ENTREP2: variants seen among roughly 807,000 people sequenced by gnomAD.
The protein encoded by ENTREP2 is protein ENTREP2.
the ENTREP2 span, among the ~76,000 whole-genome samples, chr15:29,379,082 CT>C: frequency 1.3e-5 from 2 of 152,238 alleles, no homozygotes. Context: ...ACACTTCCGT[CT>C]GCAGTGCAGA....
the ENTREP2 span, among the ~76,000 whole-genome samples, chr15:29,343,029 G>GGGCA: frequency 7.7e-6 from 1 of 129,562 alleles, no homozygotes; most frequent in South Asian, 2.3e-4. Flanking sequence ...AAAAGGAATG[G>GGGCA]GGGGGGTGGT....
chr15:29,379,100 T>G, the ENTREP2 span, among the ~76,000 whole-genome samples: 1 of 152,222 alleles, frequency 6.6e-6, no homozygotes, highest in Non-Finnish European at 1.5e-5. Flanking sequence ...CAGAACTGCC[T>G]CTGGGAAGTG....
the ENTREP2 span, among the ~76,000 whole-genome samples, chr15:29,520,816 A>T: frequency 9.3e-4 from 142 of 152,352 alleles, no homozygotes; most frequent in African/African-American, 3.1e-3. Context: ...TACCATTTAC[A>T]ATAGCATCAA....
chr15:29,421,172 G>A, the ENTREP2 span, among the ~76,000 whole-genome samples: 2 of 152,310 alleles, frequency 1.3e-5, no homozygotes, highest in African/African-American at 4.8e-5. Context: ...TTACTGAGAG[G>A]CTATTGCAAG....
chr15:29,402,292 T>TTGTGTG, the ENTREP2 span, among the ~76,000 whole-genome samples: 1,326 of 131,588 alleles, frequency 0.01, 15 homozygotes, highest in Non-Finnish European at 0.013. Flanking sequence ...GTATATTGTA[T>TTGTGTG]TGTGTGTGTG....
chr15:29,443,482 A>C, the ENTREP2 span, among the ~76,000 whole-genome samples: 1 of 152,150 alleles, frequency 6.6e-6, no homozygotes. Context: ...CTAGCCCACC[A>C]GGAAACCATG....
At chr15:29,444,774 C>G in the ENTREP2 span, among the ~76,000 whole-genome samples, 2 of 152,138 alleles carry the variant, frequency 1.3e-5, no homozygotes, top group Admixed American at 6.5e-5. Context: ...CGGCAGATTT[C>G]ATTTTCCTTT....
At chr15:29,190,874 A>T in the ENTREP2 span, among the ~76,000 whole-genome samples, 2 of 152,218 alleles carry the variant, frequency 1.3e-5, no homozygotes, top group Admixed American at 1.3e-4. Context: ...CCAACCAAAA[A>T]GAAGCAAGCA....
chr15:29,204,654 G>A, the ENTREP2 span, among the ~76,000 whole-genome samples: 6 of 152,244 alleles, frequency 3.9e-5, no homozygotes, highest in East Asian at 1.2e-3. Context: ...GATCAAATGA[G>A]ATTAGACAGG....
the ENTREP2 span, among the ~76,000 whole-genome samples, chr15:29,395,251 G>A: frequency 2.0e-5 from 3 of 151,724 alleles, no homozygotes; most frequent in Non-Finnish European, 2.9e-5. Context: ...TGAGCCACTC[G>A]TCTACAGATG....
At chr15:29,622,754 G>A in the ENTREP2 span, among the ~76,000 whole-genome samples, 1 of 152,158 alleles carries the variant, frequency 6.6e-6, no homozygotes, top group Non-Finnish European at 1.5e-5. Context: ...ACCCCGGCAT[G>A]TGTTTTATTT....
the ENTREP2 span, among the ~76,000 whole-genome samples, chr15:29,389,405 G>T: frequency 6.7e-6 from 1 of 149,318 alleles, no homozygotes; most frequent in Non-Finnish European, 1.5e-5. Flanking sequence ...GGCAGCACAG[G>T]CTTCCCTCCC....
At chr15:29,356,487 A>G in the ENTREP2 span, among the ~76,000 whole-genome samples, 3 of 150,830 alleles carry the variant, frequency 2.0e-5, no homozygotes, top group Non-Finnish European at 4.4e-5. Context: ...TTATATTTTT[A>G]GTAGAGACGG....
At chr15:29,144,979 G>C in the ENTREP2 span, among the ~76,000 whole-genome samples, 1 of 152,026 alleles carries the variant, frequency 6.6e-6, no homozygotes, top group Non-Finnish European at 1.5e-5. Context: ...TCACTTGAAC[G>C]TGGGAGGTGG....
the ENTREP2 span, chr15:29,569,741 T>C: frequency 6.6e-6 from 1 of 152,216 alleles, no homozygotes; most frequent in African/African-American, 2.4e-5. Context: ...ACGTCTTTCT[T>C]CTATGGAGAT....
chr15:29,277,495 G>T, the ENTREP2 span, among the ~76,000 whole-genome samples: 1 of 152,158 alleles, frequency 6.6e-6, no homozygotes, highest in Admixed American at 6.5e-5. Context: ...ATGTTTCTAT[G>T]GAAGGTGCGG....
the ENTREP2 span, among the ~76,000 whole-genome samples, chr15:29,257,722 C>T: frequency 1.3e-5 from 2 of 152,022 alleles, no homozygotes; most frequent in Non-Finnish European, 2.9e-5. Flanking sequence ...CATTCTCTAC[C>T]GTAACTATAA....
chr15:29,364,574 G>T, the ENTREP2 span, among the ~76,000 whole-genome samples: 2 of 152,144 alleles, frequency 1.3e-5, no homozygotes, highest in African/African-American at 4.8e-5. Context: ...CCTTCACCCA[G>T]CTGAAAGGCA....
the ENTREP2 span, among the ~76,000 whole-genome samples, chr15:29,304,535 C>A: frequency 1.3e-5 from 2 of 152,328 alleles, no homozygotes; most frequent in South Asian, 4.1e-4. Context: ...GACACTGTTA[C>A]AGCCATCTTA....
Sources: gnomAD v4.1 joint callset for allele counts (sites outside exome capture counted in the v4.1 genomes callset) on GRCh38, gnomAD v4.1.1 for gene constraint, MANE v1.5 for transcripts, NCBI Gene and HGNC (gene_info 2026-07-23, HGNC 2026-07-21) for gene names.